The following PHRF1 variants were observed in gnomAD, a reference collection of about 807,000 sequenced individuals.
PHRF1 encodes the protein PHD and RING finger domain-containing protein 1.
Under a neutral mutation model 128.9 loss-of-function variants are expected in PHRF1, and 53 were observed. That is an observed-to-expected ratio of 0.41 (90% confidence interval 0.33 to 0.52). The LOEUF (loss-of-function observed/expected upper bound fraction) is 0.52. Ranked by LOEUF, PHRF1 falls within the 20% of genes least tolerant of loss-of-function variation. The probability of loss-of-function intolerance (pLI) is 0.21; values close to 1 mark genes in which losing one functional copy is unlikely to be tolerated. For missense variants in PHRF1, 2,503 were observed against 2,284.5 expected (o/e 1.10, Z -1.95); for synonymous variants, 1,178 against 980.6 (o/e 1.20, Z -3.76).
At chr11:596,194 T>A (rs4963177) in intron 6 of PHRF1, among the ~76,000 whole-genome samples, 12 of 152,268 alleles carry the variant, frequency 7.9e-5, no homozygotes, top group Middle Eastern at 3.4e-3. Flanking sequence ...CTCAGGGCTG[T>A]CTGGGGTCTT....
At position 608,998 on chromosome 11, in the gene PHRF1, G is replaced by A. The variant is rs761451455; in HGVS notation, c.3542G>A (p.Arg1181His). 1.2e-5 allele frequency: 20 copies of A among 1,602,282 alleles called. No homozygotes were observed. The highest frequency in any genetic ancestry group is 1.1e-4 in the East Asian group (5 of 44,454). The stretch of plus-strand genomic sequence containing the variant: ...CGGGAGCACAGGCGGCCTCGGTCCC[G>A]TGAGAAGTGGCCGCAGACCCGGTCC... ...RAREHRRPRS[R>H]EKWPQTRSHS... Residue 1181 changes from arginine (R) to histidine (H), a missense_variant, in exon 14 of 18, where the codon CGT (arginine) becomes CAT (histidine). Arg to His is a conservative substitution (Grantham distance 29). Coordinates refer to ENST00000264555, the MANE Select transcript of PHRF1 (RefSeq NM_001286581.2).
intron 1 of PHRF1, among the ~76,000 whole-genome samples, chr11:578,382 A>T (rs1854008552): frequency 6.6e-6 from 1 of 152,108 alleles, no homozygotes; most frequent in African/African-American, 2.4e-5. Context: ...GTCTTCCCTC[A>T]CCAGCTGTGG....
chr11:580,307 G>A (rs1242462481), intron 1 of PHRF1, among the ~76,000 whole-genome samples: 1 of 152,238 alleles, frequency 6.6e-6, no homozygotes, highest in Admixed American at 6.5e-5. Context: ...GTGGAAGGAG[G>A]AGCGTGTCCA....
At chr11:611,342 G>A (rs1339227253) in intron 17 of PHRF1, among the ~76,000 whole-genome samples, 1 of 152,216 alleles carries the variant, frequency 6.6e-6, no homozygotes. Flanking sequence ...CCCACGCCCA[G>A]CTTACAGGTG....
In PHRF1 at chr11:589,923, AGG is replaced by A. The variant is rs1338464409; in HGVS notation, c.421-1459_421-1458del. Among the ~76,000 whole-genome samples, 97 of 145,018 alleles carry A rather than the reference AGG, an allele frequency of 6.7e-4. 2 individuals are homozygous for A. The highest frequency in any genetic ancestry group is 2.4e-3 in the African/African-American group (89 of 36,706). ...TGGAGCGTGCAGGGTTCAGCCTGAG[AGG>A]GTGTCTGCAAACGGGCACGGAGCGT... On this transcript the variant is annotated intron_variant, in intron 4 of 17. Coordinates refer to ENST00000264555, the MANE Select transcript of PHRF1 (RefSeq NM_001286581.2).
chr11:581,587 G>A lies in PHRF1; in HGVS notation c.75G>A (p.Ala25=), dbSNP rs61744675. 7.7e-3 allele frequency: 12,412 copies of A among 1,612,956 alleles called. 804 individuals are homozygous for A. The African/African-American group carries it at 0.14, about 18-fold the overall frequency. The change falls in exon 2 of 18, where the codon GCG becomes GCA. Residue 25 remains alanine, a synonymous_variant. Transcript: ENST00000264555. ...GPDGHPQVGP[A]DPAGDFEESS... ...ATGGACACCCACAGGTCGGCCCTGC[G>A]GACCCGGCAGGTGACTTTGGTGAGC...
chr11:598,619 T>C, intron 9 of PHRF1, 117 bp downstream of exon 9: 1 of 1,413,996 alleles, frequency 7.1e-7, no homozygotes, highest in Non-Finnish European at 9.4e-7. Flanking sequence ...TGCAAGTTAA[T>C]CTTCTCTGCT....
intron 3 of PHRF1, among the ~76,000 whole-genome samples, chr11:582,844 C>T (rs1393335057): frequency 6.6e-6 from 1 of 151,296 alleles, no homozygotes; most frequent in Non-Finnish European, 1.5e-5. Context: ...ACGAGCCTGG[C>T]CAGCATAGTG....
rs373184089 is a variant in PHRF1 at position 598,577 on chromosome 11, T to C, written c.1024+75T>C. ...GCCCGAGGTCCACTCACTGCTTCCC[T>C]CAAGGCTGTGGGCATTTCCATTTCT... is the stretch of plus-strand genomic sequence containing the variant. On this transcript the variant is annotated intron_variant, in intron 9 of 17. Transcript: ENST00000264555. 8.2e-5 allele frequency: 124 copies of C among 1,509,626 alleles called. No individual in the cohort carries two copies. In the Middle Eastern group the frequency reaches 2.4e-3, roughly 29 times the overall value. 93.5% of individuals were successfully genotyped at this position (1,509,626 alleles called of 1,614,324 possible). A position where few individuals can be genotyped will look rare whatever the true frequency, so the allele number is the denominator to read the frequency against.
At chr11:603,421 G>T (rs1477489286) in intron 10 of PHRF1, among the ~76,000 whole-genome samples, 1 of 151,734 alleles carries the variant, frequency 6.6e-6, no homozygotes, top group Admixed American at 6.6e-5. Context: ...CACCCGCCTT[G>T]ACCTCCCAGG....
intron 3 of PHRF1, 130 bp downstream of exon 3, chr11:582,211 A>T: frequency 7.6e-7 from 1 of 1,315,774 alleles, no homozygotes; most frequent in Non-Finnish European, 1.0e-6. Flanking sequence ...ACCTACGGTG[A>T]GGCCTTATAT....
Position 598,377 on chromosome 11 carries a change from C to T in PHRF1, c.899C>T (p.Thr300Ile), listed in dbSNP as rs768907082. ...RISTARRVQH[T>I]PGRLGSSLLD... ...GCACCACCCCTTTGCCTGTAGCACA[C>T]ACCAGGGCGCCTCGGGTCTTCCCTG... The change falls in exon 9 of 18, where the codon ACA becomes ATA. Residue 300 changes from threonine to isoleucine, a missense_variant. Transcript: ENST00000264555. The T allele has an allele frequency of 6.2e-7, 1 of 1,608,754 alleles. No homozygotes were observed. Among genetic ancestry groups the T allele is most frequent in the Non-Finnish European group, 8.5e-7 (1 of 1,179,670 alleles).
rs772198064 is a variant in PHRF1, at chr11:597,399, G to A, written c.723G>A (p.Ala241=). The A allele has an allele frequency of 8.1e-6, 13 of 1,611,608 alleles. No homozygotes were observed. Among genetic ancestry groups the A allele is most frequent in the East Asian group, 4.5e-5 (2 of 44,842 alleles). ...AGCCCTGGTGGTTCTTCCCAGATGC[G>A]GGTCCCGTGAGTGAGGAGGAGGTCT... ...AAPGVVLAAD[A]GPVSEEEVSL... The change falls in exon 8 of 18, where the codon GCG becomes GCA. Residue 241 remains alanine, a synonymous_variant. Transcript: ENST00000264555. This position sits in a 1 kb window ranked among gnomAD's most constrained non-coding sequence, Gnocchi z 6.5.
chr11:579,307 T>G (rs1177805151), intron 1 of PHRF1, among the ~76,000 whole-genome samples: 1 of 152,122 alleles, frequency 6.6e-6, no homozygotes, highest in Middle Eastern at 3.4e-3. Flanking sequence ...AAGTGTTCCT[T>G]GGTAGATTCA....
At chr11:592,698 C>T (rs752806734) in intron 6 of PHRF1, 24 bp downstream of exon 6, 1 of 1,612,050 alleles carries the variant, frequency 6.2e-7, no homozygotes, top group Admixed American at 1.7e-5. Context: ...GGGACTGGCA[C>T]ACGTGCCCTG....
intron 6 of PHRF1, among the ~76,000 whole-genome samples, chr11:593,255 C>T (rs1564848665): frequency 6.6e-6 from 1 of 152,218 alleles, no homozygotes; most frequent in Non-Finnish European, 1.5e-5. Flanking sequence ...AGGGGCTTTC[C>T]CTGTTGATTT....
At chr11:604,548 C>T (rs1306994330) in intron 10 of PHRF1, among the ~76,000 whole-genome samples, 3 of 152,224 alleles carry the variant, frequency 2.0e-5, no homozygotes, top group Non-Finnish European at 4.4e-5. Context: ...GAGTCTCGCT[C>T]TGTCCCCCAG....
chr11:607,982 C>T lies in PHRF1; in HGVS notation c.2526C>T (p.Ala842=), dbSNP rs1281105633. 1.9e-6 allele frequency: 3 copies of T among 1,611,476 alleles called. No homozygotes were observed. The highest frequency in any genetic ancestry group is 1.1e-5 in the South Asian group (1 of 91,076). ...PSDPTGSDSS[A]PGSSPERSGP... The stretch of plus-strand genomic sequence containing the variant: ...ACCCCACCGGCTCCGACTCCAGCGC[C>T]CCTGGCAGCAGCCCCGAGAGGTCTG... The change falls in exon 14 of 18, where the codon GCC becomes GCT. Residue 842 remains alanine, a synonymous_variant. Transcript: ENST00000264555.
At chr11:581,827 A>G in intron 2 of PHRF1, 135 bp from the exon 3 acceptor site, 1 of 1,318,230 alleles carries the variant, frequency 7.6e-7, no homozygotes, top group Non-Finnish European at 1.0e-6. Context: ...TTGTGCCCCC[A>G]CCTTGCCGGC....
Sources: allele counts gnomAD v4.1 joint callset (sites outside exome capture counted in the v4.1 genomes callset), GRCh38; gene constraint gnomAD v4.1.1; non-coding constraint Gnocchi (gnomAD v3.1); transcripts MANE v1.5; gene names NCBI Gene and HGNC (gene_info 2026-07-23, HGNC 2026-07-21).